The following MAX variants were observed in gnomAD, a reference collection of about 807,000 sequenced individuals.
The protein encoded by MAX is protein max.
In MAX, 3 loss-of-function variants were observed where a neutral mutation model predicts 22.3. That is an observed-to-expected ratio of 0.13 (90% CI 0.06 to 0.35). The LOEUF is 0.35. MAX is among the 10% of genes least tolerant of loss of function. The pLI is 1.00. For synonymous variants in MAX, 72 were observed against 77.7 expected (o/e 0.93, Z 0.39); for missense variants, 119 against 209.4 (o/e 0.57, Z 2.66).
Position 65,086,889 on chromosome 14 carries a change from A to G in MAX, c.171+6819T>C, listed in dbSNP as rs534106924. 1.7e-4 allele frequency among the ~76,000 whole-genome samples: 26 copies of G among 152,336 alleles called. No homozygotes were observed. In the South Asian group the frequency reaches 5.0e-3, roughly 29 times the overall value. ...GATCTTCACAGCAGCTGTTCCCATC[A>G]CAGACCCAGAGGCCTAGGAGGAAAA... On this transcript the variant is annotated intron_variant, in intron 3 of 4. Coordinates refer to ENST00000358664, the MANE Select transcript of MAX (RefSeq NM_002382.5).
Position 65,023,664 on chromosome 14 carries a change from A to G in MAX, c.172-17380T>C, listed in dbSNP as rs1053918619. Among the ~76,000 whole-genome samples, 1 of 152,162 alleles carries G rather than the reference A, an allele frequency of 6.6e-6. No homozygotes were observed. The highest frequency in any genetic ancestry group is 2.4e-5 in the African/African-American group (1 of 41,430). ...GTGTCTTGTGTGACTGAAGAGCTGA[A>G]TTTTCTATTTTAATTAATTGAGAAT... On this transcript the variant is annotated intron_variant, in intron 3 of 3. Transcript: ENST00000341653. The surrounding 1 kb of genome is among the most constrained non-coding windows in gnomAD (Gnocchi z 4.1).
At chr14:65,092,730 C>T (rs2063544253) in intron 3 of MAX, among the ~76,000 whole-genome samples, 1 of 152,098 alleles carries the variant, frequency 6.6e-6, no homozygotes, top group African/African-American at 2.4e-5. Context: ...CATAACTTAC[C>T]AGAGTGACAA....
In MAX at chr14:65,077,767, C is replaced by CA. The variant is rs1353272883; in HGVS notation, c.295+145dup. 6.2e-7 allele frequency: 1 copy of CA among 1,613,132 alleles called. No homozygotes were observed. The highest frequency in any genetic ancestry group is 8.5e-7 in the Non-Finnish European group (1 of 1,179,736). ...CCTTCCTCAGGACGGCTCTAACACTCAGTTACTCAGGCCCCAAGAAGCAGG... is the reference window on the plus strand; with the variant it reads ...CCTTCCTCAGGACGGCTCTAACACTCAAGTTACTCAGGCCCCAAGAAGCAGG... On this transcript the variant is annotated intron_variant, in intron 4 of 4. Coordinates refer to ENST00000358664, the MANE Select transcript of MAX (RefSeq NM_002382.5). The surrounding 1 kb of genome is among the most constrained non-coding windows in gnomAD (Gnocchi z 6.3).
rs113190188 is a variant in MAX at position 65,060,810 on chromosome 14, T to G, written c.171+32898A>C. ...ATTGCTTGAACACAGGAGGCAGAGG[T>G]TGCAGTGAGCTAAGATCGTGTCAAT... On this transcript the variant is annotated intron_variant, in intron 3 of 3. Coordinates refer to the MAX transcript ENST00000341653. Among the ~76,000 whole-genome samples, 511 of 145,160 alleles carry G rather than the reference T, an allele frequency of 3.5e-3. 4 individuals carry two copies. The highest frequency in any genetic ancestry group is 9.0e-3 in the African/African-American group (345 of 38,510).
chr14:65,080,689 CTA>C (rs2063177628), intron 3 of MAX, among the ~76,000 whole-genome samples: 1 of 152,174 alleles, frequency 6.6e-6, no homozygotes, highest in Non-Finnish European at 1.5e-5. Context: ...TTACATCCCT[CTA>C]TTTAAATTTG....
intron 3 of MAX, among the ~76,000 whole-genome samples, chr14:65,065,524 C>T (rs1464932613): frequency 1.3e-5 from 2 of 152,136 alleles, no homozygotes; most frequent in South Asian, 2.1e-4. Flanking sequence ...CCTGTTGCTC[C>T]TAGGCTACAA....
intron 3 of MAX, among the ~76,000 whole-genome samples, chr14:65,038,529 C>G (rs1481456710): frequency 1.3e-5 from 2 of 151,928 alleles, no homozygotes; most frequent in South Asian, 2.1e-4. Context: ...ACCAGCCTGA[C>G]CAACATGGTG....
At chr14:65,058,888 G>A (rs1450504563) in intron 3 of MAX, among the ~76,000 whole-genome samples, 1 of 151,964 alleles carries the variant, frequency 6.6e-6, no homozygotes, top group East Asian at 1.9e-4. Flanking sequence ...CTTTTATTTA[G>A]GATTTTTTTG....
chr14:65,036,020 A>G (rs1056333533), intron 3 of MAX, among the ~76,000 whole-genome samples: 1 of 152,054 alleles, frequency 6.6e-6, no homozygotes, highest in African/African-American at 2.4e-5. Context: ...TCTTGTAAAG[A>G]CAGAGTCTCA....
At chr14:65,061,126 TA>T in intron 3 of MAX, 1 of 1,601,718 alleles carries the variant, frequency 6.2e-7, no homozygotes, top group East Asian at 2.2e-5. Context: ...AAGGATGTGT[TA>T]TGTTTTCAAG....
chr14:65,064,087 A>C (rs2062906982), intron 3 of MAX, among the ~76,000 whole-genome samples: 1 of 152,152 alleles, frequency 6.6e-6, no homozygotes, highest in East Asian at 1.9e-4. Context: ...ATGGATAATC[A>C]GGGGAAACAC....
rs1209169808 is a variant in MAX at position 65,031,171 on chromosome 14, G to GA, written c.172-24888dup. Among the ~76,000 whole-genome samples, 4 of 152,060 alleles carry GA rather than the reference G, an allele frequency of 2.6e-5. No homozygotes were observed. Among genetic ancestry groups the GA allele is most frequent in the Middle Eastern group, 3.4e-3 (1 of 294 alleles). ...TTTGTCTTCCCTGTGCCGGGTATTT[G>GA]AAAAAACCATAGAGGGGAAGGAAAG... On this transcript the variant is annotated intron_variant, in intron 3 of 3. Coordinates refer to the MAX transcript ENST00000341653. The surrounding 1 kb of genome is among the most constrained non-coding windows in gnomAD (Gnocchi z 4.6).
chr14:65,033,505 C>T (rs760049745), intron 3 of MAX, among the ~76,000 whole-genome samples: 3 of 152,128 alleles, frequency 2.0e-5, no homozygotes, highest in African/African-American at 4.8e-5. Flanking sequence ...GTCTTAGATA[C>T]GTGTATGTTC....
chr14:65,010,593 A>G (rs540168556), intron 3 of MAX, among the ~76,000 whole-genome samples: 7 of 152,260 alleles, frequency 4.6e-5, no homozygotes, highest in Admixed American at 1.3e-4. Context: ...ATATTTTCAG[A>G]TACTTCAGTT....
At position 65,047,437 on chromosome 14, in the gene MAX, C is replaced by T. The variant is rs1035205136; in HGVS notation, c.172-41153G>A. Among the ~76,000 whole-genome samples, 4 of 152,180 alleles carry T rather than the reference C, an allele frequency of 2.6e-5. No individual in the cohort carries two copies. Among genetic ancestry groups the T allele is most frequent in the African/African-American group, 9.7e-5 (4 of 41,422 alleles). The stretch of plus-strand genomic sequence containing the variant: ...ATCCAACGAAAAATTGTTTAGCTCA[C>T]TTGTAGTAAAAGAAATGCTAATCAA... On this transcript the variant is annotated intron_variant, in intron 3 of 3. Coordinates refer to the MAX transcript ENST00000341653. The surrounding 1 kb of genome is among the most constrained non-coding windows in gnomAD (Gnocchi z 5.2).
intron 3 of MAX, among the ~76,000 whole-genome samples, chr14:65,038,755 T>A (rs2062274061): frequency 6.6e-6 from 1 of 152,194 alleles, no homozygotes; most frequent in African/African-American, 2.4e-5. Flanking sequence ...TTTCATTGCA[T>A]GGTTCGTTTC....
At chr14:65,064,251 T>G (rs1353826576) in intron 3 of MAX, among the ~76,000 whole-genome samples, 1 of 152,232 alleles carries the variant, frequency 6.6e-6, no homozygotes, top group Non-Finnish European at 1.5e-5. Flanking sequence ...AGCATTCTAG[T>G]TGCCCACATG....
At chr14:65,057,917 C>CCTAT (rs2062775526) in intron 3 of MAX, among the ~76,000 whole-genome samples, 2 of 152,156 alleles carry the variant, frequency 1.3e-5, no homozygotes, top group South Asian at 2.1e-4. Context: ...GGTCTGTTTG[C>CCTAT]CTATCTGCAC....
At chr14:65,102,024 G>T (rs143183654) in intron 1 of MAX, among the ~76,000 whole-genome samples, 1 of 152,172 alleles carries the variant, frequency 6.6e-6, no homozygotes, top group Non-Finnish European at 1.5e-5. Context: ...TCCTGAGCCG[G>T]GGAAGGTGGG....
Sources: allele counts gnomAD v4.1 joint callset (sites outside exome capture counted in the v4.1 genomes callset), GRCh38; gene constraint gnomAD v4.1.1; non-coding constraint Gnocchi (gnomAD v3.1); transcripts MANE v1.5; gene names NCBI Gene and HGNC (gene_info 2026-07-23, HGNC 2026-07-21).